Variants in SPMIP3 observed in about 807,000 individuals in gnomAD.
SPMIP3 encodes the protein protein SPMIP3.
At chr1:244,386,177 CAAACAAACAA>C in the SPMIP3 span, among the ~76,000 whole-genome samples, 3 of 152,114 alleles carry the variant, frequency 2.0e-5, no homozygotes, top group Non-Finnish European at 4.4e-5. Context: ...AAATCCATCT[CAAACAAACAA>C]AAACTCTTGA....
chr1:244,372,594 C>G, the SPMIP3 span, among the ~76,000 whole-genome samples: 1 of 152,070 alleles, frequency 6.6e-6, no homozygotes, highest in South Asian at 2.1e-4. Context: ...CAGGTGCCCG[C>G]CACCACACCT....
At chr1:244,384,531 A>AT in the SPMIP3 span, among the ~76,000 whole-genome samples, 1 of 152,190 alleles carries the variant, frequency 6.6e-6, no homozygotes, top group East Asian at 1.9e-4. Context: ...TTTTGGTTAC[A>AT]TTGCTTGGAG....
At chr1:244,378,543 C>T in the SPMIP3 span, 47 of 1,613,364 alleles carry the variant, frequency 2.9e-5, no homozygotes, top group Admixed American at 3.3e-5. Context: ...AACACTCATT[C>T]GATATATTTG....
At chr1:244,358,582 CAA>C in the SPMIP3 span, among the ~76,000 whole-genome samples, 134 of 142,768 alleles carry the variant, frequency 9.4e-4, no homozygotes, top group East Asian at 0.011. Flanking sequence ...GAGAGTGTCT[CAA>C]AAAAAAAAAA....
the SPMIP3 span, among the ~76,000 whole-genome samples, chr1:244,388,388 C>G: frequency 6.8e-6 from 1 of 147,948 alleles, no homozygotes; most frequent in Non-Finnish European, 1.5e-5. Context: ...ATCCTTCCCC[C>G]CAGACGTACT....
the SPMIP3 span, among the ~76,000 whole-genome samples, chr1:244,372,621 T>G: frequency 6.6e-6 from 1 of 152,234 alleles, no homozygotes; most frequent in East Asian, 1.9e-4. Context: ...TTTTTTGTAT[T>G]TTTAGTAGAG....
At chr1:244,361,886 C>G in the SPMIP3 span, among the ~76,000 whole-genome samples, 4 of 152,148 alleles carry the variant, frequency 2.6e-5, no homozygotes, top group Admixed American at 6.5e-5. Context: ...TTCTGTCCAG[C>G]CTGTCACTTC....
the SPMIP3 span, among the ~76,000 whole-genome samples, chr1:244,368,528 C>A: frequency 5.9e-5 from 9 of 152,204 alleles, no homozygotes; most frequent in Non-Finnish European, 1.3e-4. Flanking sequence ...CCAGGTTAGC[C>A]CTCCAGGCAG....
the SPMIP3 span, chr1:244,389,383 G>C: frequency 0.55 from 91,626 of 166,558 alleles, 25,791 homozygotes; most frequent in South Asian, 0.63. Context: ...TAATTGCATC[G>C]CTGTTGGGAA....
At chr1:244,385,983 G>A in the SPMIP3 span, among the ~76,000 whole-genome samples, 1 of 148,148 alleles carries the variant, frequency 6.8e-6, no homozygotes, top group Non-Finnish European at 1.5e-5. Context: ...AGCCAACATA[G>A]TGAAACCCCA....
chr1:244,381,185 G>A, the SPMIP3 span, among the ~76,000 whole-genome samples: 1 of 151,810 alleles, frequency 6.6e-6, no homozygotes, highest in Non-Finnish European at 1.5e-5. Flanking sequence ...AAGTTGCTGG[G>A]GGCTGAGGAG....
At chr1:244,375,161 T>C in the SPMIP3 span, 1 of 362,988 alleles carries the variant, frequency 2.8e-6, no homozygotes, top group Non-Finnish European at 5.0e-6. Context: ...GAGGGAGGCC[T>C]GCGAGGCCCA....
At chr1:244,389,236 AG>A in the SPMIP3 span, 1 of 538,306 alleles carries the variant, frequency 1.9e-6, no homozygotes, top group Non-Finnish European at 3.3e-6. Context: ...AGCTTAGAAC[AG>A]GGAATCAAGA....
the SPMIP3 span, among the ~76,000 whole-genome samples, chr1:244,386,927 T>C: frequency 3.3e-5 from 5 of 152,254 alleles, no homozygotes; most frequent in Admixed American, 2.6e-4. Flanking sequence ...CTTTTTGAGA[T>C]GGCAATATCA....
At chr1:244,388,566 T>C in the SPMIP3 span, among the ~76,000 whole-genome samples, 3 of 152,130 alleles carry the variant, frequency 2.0e-5, no homozygotes, top group Admixed American at 2.0e-4. Flanking sequence ...GTCAATAAAA[T>C]TTGAAAAAAC....
At chr1:244,374,437 TA>T in the SPMIP3 span, among the ~76,000 whole-genome samples, 1 of 151,778 alleles carries the variant, frequency 6.6e-6, no homozygotes, top group South Asian at 2.1e-4. Flanking sequence ...TTGTTACAGT[TA>T]AAAAAAAGAT....
At chr1:244,360,579 C>T in the SPMIP3 span, among the ~76,000 whole-genome samples, 2 of 145,492 alleles carry the variant, frequency 1.4e-5, no homozygotes, top group Non-Finnish European at 3.0e-5. Flanking sequence ...GAATATTATT[C>T]AGCCATAAAA....
the SPMIP3 span, among the ~76,000 whole-genome samples, chr1:244,388,664 A>G: frequency 6.6e-6 from 1 of 152,238 alleles, no homozygotes; most frequent in Non-Finnish European, 1.5e-5. Context: ...ATAATGTACG[A>G]CTAAAAAGGT....
the SPMIP3 span, among the ~76,000 whole-genome samples, chr1:244,358,991 T>C: frequency 6.6e-6 from 1 of 152,204 alleles, no homozygotes; most frequent in Non-Finnish European, 1.5e-5. Flanking sequence ...ATGAAAGTGA[T>C]GGTAAGTTTA....
Sources: allele counts gnomAD v4.1 joint callset (sites outside exome capture counted in the v4.1 genomes callset), GRCh38; gene constraint gnomAD v4.1.1; transcripts MANE v1.5; gene names NCBI Gene and HGNC (gene_info 2026-07-23, HGNC 2026-07-21).